Variants in GRM3 observed in about 807,000 individuals in gnomAD.
GRM3 encodes metabotropic glutamate receptor 3.
A neutral mutation model predicts 70.5 loss-of-function variants in GRM3; 26 were observed. That is an observed-to-expected ratio of 0.37 (90% CI 0.27 to 0.51). The LOEUF (loss-of-function observed/expected upper bound fraction) is 0.51, where lower values mean the gene tolerates loss of function less well. Ranked by LOEUF, GRM3 falls within the 20% of genes least tolerant of loss-of-function variation. The probability of loss-of-function intolerance (pLI) is 0.93; values close to 1 mark genes in which losing one functional copy is unlikely to be tolerated. For missense variants in GRM3, 859 were observed against 1,123.8 expected (o/e 0.76, Z 3.37); for synonymous variants, 443 against 434.9 (o/e 1.02, Z -0.23).
intron 1 of GRM3, among the ~76,000 whole-genome samples, chr7:86,730,345 G>A (rs370659012): frequency 4.6e-5 from 7 of 152,042 alleles, no homozygotes; most frequent in East Asian, 3.9e-4. Context: ...ACTTGTAACC[G>A]GGAGGCGGAG....
chr7:86,695,332 G>A (rs1242015267), intron 1 of GRM3, among the ~76,000 whole-genome samples: 1 of 151,998 alleles, frequency 6.6e-6, no homozygotes, highest in Non-Finnish European at 1.5e-5. Context: ...CTTCAATTCT[G>A]AAAATTAAAG....
intron 2 of GRM3, chr7:86,784,723 C>T (rs921878143): frequency 6.6e-6 from 1 of 152,222 alleles, no homozygotes; most frequent in Non-Finnish European, 1.5e-5. Context: ...CACCTCCATT[C>T]CCCTGGATTA....
intron 1 of GRM3, among the ~76,000 whole-genome samples, chr7:86,726,484 T>A (rs531802132): frequency 3.3e-5 from 5 of 152,178 alleles, no homozygotes; most frequent in Non-Finnish European, 7.3e-5. Context: ...TCAATACTGT[T>A]TCATGAATTC....
chr7:86,714,679 A>G (rs752903950), intron 1 of GRM3, among the ~76,000 whole-genome samples: 3 of 152,078 alleles, frequency 2.0e-5, no homozygotes, highest in Non-Finnish European at 2.9e-5. Context: ...TCAATTTATT[A>G]TCTACATAGC....
chr7:86,805,648 G>A (rs1277693812), intron 3 of GRM3, among the ~76,000 whole-genome samples: 1 of 152,080 alleles, frequency 6.6e-6, no homozygotes, highest in East Asian at 1.9e-4. Flanking sequence ...CCACAGTTTT[G>A]CCTTTTACAG....
At chr7:86,798,256 G>A (rs561602462) in intron 3 of GRM3, among the ~76,000 whole-genome samples, 1 of 152,122 alleles carries the variant, frequency 6.6e-6, no homozygotes, top group Non-Finnish European at 1.5e-5. Flanking sequence ...AGCTTGCACT[G>A]TGCACCTGGA....
intron 1 of GRM3, among the ~76,000 whole-genome samples, chr7:86,664,160 A>G (rs1253995285): frequency 6.6e-6 from 1 of 152,016 alleles, no homozygotes; most frequent in Non-Finnish European, 1.5e-5. Flanking sequence ...TTTTTTAAAA[A>G]AGACCCTCAC....
In GRM3 at chr7:86,776,294, G is replaced by A. The variant is rs557427400; in HGVS notation, c.469-9967G>A. Reference sequence around the variant, plus strand: ...AAGGAGTTAAAATAACTAGCCGAAGGTCACACAGCTAGTGAGAGGAGCTGA... The same window carrying A: ...AAGGAGTTAAAATAACTAGCCGAAGATCACACAGCTAGTGAGAGGAGCTGA... On this transcript the variant is annotated intron_variant, in intron 2 of 5. Coordinates refer to ENST00000361669, the MANE Select transcript of GRM3 (RefSeq NM_000840.3). Among the ~76,000 whole-genome samples the A allele has an allele frequency of 4.6e-5, 7 of 152,230 alleles. No individual in the cohort carries two copies. In the East Asian group the frequency reaches 1.2e-3, roughly 25 times the overall value.
intron 1 of GRM3, among the ~76,000 whole-genome samples, chr7:86,683,389 G>C (rs1223195163): frequency 6.6e-6 from 1 of 152,130 alleles, no homozygotes; most frequent in African/African-American, 2.4e-5. Context: ...GCACCACAAA[G>C]ATGGAGGTAT....
At chr7:86,782,588 A>G (rs1797100900) in intron 2 of GRM3, among the ~76,000 whole-genome samples, 1 of 152,314 alleles carries the variant, frequency 6.6e-6, no homozygotes, top group East Asian at 1.9e-4. Flanking sequence ...GCATTTTCAC[A>G]TTCTGCGCTT....
At chr7:86,843,084 A>C (rs1237052578) in intron 4 of GRM3, among the ~76,000 whole-genome samples, 1 of 152,158 alleles carries the variant, frequency 6.6e-6, no homozygotes, top group East Asian at 1.9e-4. Context: ...TTGAGATCTT[A>C]AGTTTGTTTT....
rs267601607 is a variant in GRM3 at position 86,839,813 on chromosome 7, G to A, written c.2299G>A (p.Glu767Lys). 2.5e-6 allele frequency: 4 copies of A among 1,614,040 alleles called. No individual in the cohort carries two copies. Among genetic ancestry groups the A allele is most frequent in the Non-Finnish European group, 3.4e-6 (4 of 1,179,934 alleles). ...KTRKCPENFN[E>K]AKFIGFTMYT... ...GCGGAAGTGCCCAGAAAATTTCAAC[G>A]AAGCTAAGTTCATAGGTTTTACCAT... Residue 767 changes from glutamate to lysine, a missense_variant, in exon 4 of 6, where the codon GAA becomes AAA. Physicochemically the swap from Glu to Lys is moderately conservative, Grantham distance 56. Transcript: ENST00000361669. This position sits in a 1 kb window ranked among gnomAD's most constrained non-coding sequence, Gnocchi z 4.5.
intron 3 of GRM3, among the ~76,000 whole-genome samples, chr7:86,795,438 T>G (rs1355064324): frequency 6.6e-6 from 1 of 152,038 alleles, no homozygotes; most frequent in Non-Finnish European, 1.5e-5. Context: ...CATTAGCTAT[T>G]GATCCTGGTG....
intron 4 of GRM3, among the ~76,000 whole-genome samples, chr7:86,848,133 G>C (rs937697570): frequency 1.3e-5 from 2 of 152,278 alleles, no homozygotes; most frequent in African/African-American, 4.8e-5. Context: ...GAATTTATAT[G>C]CTTTTAGGTA....
chr7:86,798,666 TG>T (rs1008834939), intron 3 of GRM3, among the ~76,000 whole-genome samples: 2 of 152,152 alleles, frequency 1.3e-5, no homozygotes, highest in African/African-American at 4.8e-5. Context: ...GTTAAGACTT[TG>T]GGGGACTCTT....
At chr7:86,753,601 T>C (rs985282803) in intron 1 of GRM3, among the ~76,000 whole-genome samples, 3 of 152,180 alleles carry the variant, frequency 2.0e-5, no homozygotes, top group African/African-American at 7.2e-5. Context: ...TTTAAGCTCT[T>C]CTATTTCCTT....
chr7:86,681,502 C>A (rs931587393), intron 1 of GRM3, among the ~76,000 whole-genome samples: 2 of 152,118 alleles, frequency 1.3e-5, no homozygotes, highest in Non-Finnish European at 2.9e-5. Flanking sequence ...TGAATATGCT[C>A]TTTTTTCAAT....
chr7:86,763,263 C>A (rs1480732998), intron 1 of GRM3, among the ~76,000 whole-genome samples: 1 of 152,096 alleles, frequency 6.6e-6, no homozygotes, highest in Admixed American at 6.6e-5. Flanking sequence ...AGCAGACAGG[C>A]ATGCTCAACT....
intron 1 of GRM3, among the ~76,000 whole-genome samples, chr7:86,658,309 C>G (rs546041858): frequency 2.6e-5 from 4 of 152,276 alleles, no homozygotes; most frequent in African/African-American, 9.6e-5. Context: ...ACATGGTTTA[C>G]CTGGCCCACA....
Sources: allele counts gnomAD v4.1 joint callset (sites outside exome capture counted in the v4.1 genomes callset), GRCh38; gene constraint gnomAD v4.1.1; non-coding constraint Gnocchi (gnomAD v3.1); transcripts MANE v1.5; gene names NCBI Gene and HGNC (gene_info 2026-07-23, HGNC 2026-07-21).